SLC37A2: variants seen among roughly 807,000 people sequenced by gnomAD.
SLC37A2 encodes the protein solute carrier family 37 member 2.
SLC37A2 carries 59 observed loss-of-function variants against 70.7 expected under a neutral mutation model. The ratio of observed to expected loss-of-function variants is 0.83; its 90% CI spans 0.68 to 1.04. The LOEUF (loss-of-function observed/expected upper bound fraction) is 1.04, where lower values mean the gene tolerates loss of function less well. SLC37A2 is among the 50% of genes least tolerant of loss of function. SLC37A2 has a pLI of 0.00. For missense variants in SLC37A2, 580 were observed against 658.1 expected (o/e 0.88, Z 1.30); for synonymous variants, 257 against 262.1 (o/e 0.98, Z 0.19).
intron 7 of SLC37A2, 55 bp from the exon 8 acceptor site, chr11:125,081,366 G>C (rs2047377716): frequency 6.4e-7 from 1 of 1,559,316 alleles, no homozygotes; most frequent in Non-Finnish European, 8.7e-7. Context: ...CAATCACCTC[G>C]GGATTGGGGG....
chr11:125,071,122 A>AAGTTG (rs1220451879), intron 1 of SLC37A2, among the ~76,000 whole-genome samples: 1 of 152,056 alleles, frequency 6.6e-6, no homozygotes, highest in Non-Finnish European at 1.5e-5. Flanking sequence ...AACAGACACT[A>AAGTTG]AGTTGGTGTG....
chr11:125,076,111 G>A (rs535790793), intron 1 of SLC37A2, among the ~76,000 whole-genome samples: 1 of 152,158 alleles, frequency 6.6e-6, no homozygotes, highest in Non-Finnish European at 1.5e-5. Flanking sequence ...CAGGGCATGG[G>A]ATGAGACGTG....
At chr11:125,065,162 C>T (rs1328020162) in intron 1 of SLC37A2, among the ~76,000 whole-genome samples, 17 of 152,174 alleles carry the variant, frequency 1.1e-4, no homozygotes, top group Admixed American at 1.1e-3. Context: ...AATCTGATAA[C>T]CTGGCGGACT....
At chr11:125,067,033 G>A (rs949167927) in intron 1 of SLC37A2, among the ~76,000 whole-genome samples, 1 of 149,578 alleles carries the variant, frequency 6.7e-6, no homozygotes, top group African/African-American at 2.6e-5. Flanking sequence ...AGATTGTAGT[G>A]CAGTGGCACG....
Position 125,081,754 on chromosome 11 carries a change from G to GGTGA in SLC37A2, c.735_738dup (p.Pro247Ter). On this transcript the variant is annotated frameshift_variant and splice_region_variant, in exon 9 of 18. Coordinates refer to ENST00000403796, the MANE Select transcript of SLC37A2 (RefSeq NM_001145290.2). LOFTEE classifies it high-confidence loss of function. The stretch of plus-strand genomic sequence containing the variant: ...AGCAGGGCTCATCTCCTCTGCTCAG[G>GGTGA]GTGAGCCAGCTGAGAACCAGGACAA... 1 of 1,594,068 alleles carries GGTGA rather than the reference G, an allele frequency of 6.3e-7. No individual in the cohort carries two copies. Among genetic ancestry groups the GGTGA allele is most frequent in the Non-Finnish European group, 8.5e-7 (1 of 1,170,038 alleles).
At position 125,080,594 on chromosome 11, in the gene SLC37A2, C is replaced by T; in HGVS notation, c.528-20C>T. On this transcript the variant is annotated intron_variant, in intron 6 of 17. Coordinates refer to ENST00000403796, the MANE Select transcript of SLC37A2 (RefSeq NM_001145290.2). The surrounding 1 kb of genome is among the most constrained non-coding windows in gnomAD (Gnocchi z 4.3). ...GCTTTTTACTTTTTATACCTCTTCCCTTCTCTCCCTCCCTTCCAGGCGGGG... is the reference window on the plus strand; with the variant it reads ...GCTTTTTACTTTTTATACCTCTTCCTTTCTCTCCCTCCCTTCCAGGCGGGG... The T allele has an allele frequency of 6.8e-7, 1 of 1,463,446 alleles. No homozygotes were observed. The highest frequency in any genetic ancestry group is 2.6e-5 in the East Asian group (1 of 38,050). 90.7% of individuals were successfully genotyped at this position (1,463,446 alleles called of 1,614,324 possible).
At chr11:125,067,683 G>T (rs1948995278) in intron 1 of SLC37A2, among the ~76,000 whole-genome samples, 1 of 152,094 alleles carries the variant, frequency 6.6e-6, no homozygotes, top group African/African-American at 2.4e-5. Flanking sequence ...TCAAGATTTT[G>T]CCAACTTTGG....
At chr11:125,073,838 C>A (rs906264359) in intron 1 of SLC37A2, among the ~76,000 whole-genome samples, 10 of 152,230 alleles carry the variant, frequency 6.6e-5, no homozygotes, top group African/African-American at 2.4e-4. Context: ...GTGAGGAAGC[C>A]TGTCTGCGCT....
chr11:125,078,180 G>C (rs928697861), intron 4 of SLC37A2, among the ~76,000 whole-genome samples: 3 of 152,212 alleles, frequency 2.0e-5, no homozygotes, highest in Non-Finnish European at 4.4e-5. Flanking sequence ...GAGCAAGTAG[G>C]GCAAATGTGA....
chr11:125,070,245 A>G (rs3924406), intron 1 of SLC37A2, among the ~76,000 whole-genome samples: 41,667 of 152,058 alleles, frequency 0.27, 6,726 homozygotes, highest in African/African-American at 0.46. Context: ...GCTGAGCTAG[A>G]ATGGATGGTT....
chr11:125,088,409 G>T lies in SLC37A2; in HGVS notation c.*275G>T. ...TAGGGCTGAGTTGTGTCTCCATTTT[G>T]ATAAGGAAAGGATATGCTCAGACTC... is the stretch of plus-strand genomic sequence containing the variant. On this transcript the variant is annotated 3_prime_UTR_variant, in exon 18 of 18. Coordinates refer to ENST00000403796, the MANE Select transcript of SLC37A2 (RefSeq NM_001145290.2). The T allele has an allele frequency of 2.1e-6, 1 of 474,324 alleles. No homozygotes were observed. Among genetic ancestry groups the T allele is most frequent in the Non-Finnish European group, 3.8e-6 (1 of 265,164 alleles). The allele number at this position is 474,324 out of a possible 1,614,324, so 29.4% of individuals were successfully genotyped here.
At position 125,088,238 on chromosome 11, in the gene SLC37A2, CTT is replaced by C; in HGVS notation, c.*106_*107del. 7.4e-7 allele frequency: 1 copy of C among 1,348,320 alleles called. No individual in the cohort carries two copies. 83.5% of individuals were successfully genotyped at this position (1,348,320 alleles called of 1,614,324 possible). On this transcript the variant is annotated 3_prime_UTR_variant, in exon 18 of 18. Transcript: ENST00000403796. ...TCCACAAGCAGGGAAGGCAAACCCTCTTTATTGAACATTAGCCAGCCCAGCCC... is the reference window on the plus strand; with the variant it reads ...TCCACAAGCAGGGAAGGCAAACCCTCTATTGAACATTAGCCAGCCCAGCCC...
rs1949137937 is a variant in SLC37A2 at position 125,080,750 on chromosome 11, G to A, written c.664G>A (p.Gly222Ser). 6.5e-7 allele frequency: 1 copy of A among 1,528,308 alleles called. No individual in the cohort carries two copies. Among genetic ancestry groups the A allele is most frequent in the Admixed American group, 2.0e-5 (1 of 50,158 alleles). The allele number at this position is 1,528,308 out of a possible 1,614,324, so 94.7% of individuals were successfully genotyped here. A position where few individuals can be genotyped will look rare whatever the true frequency, so the allele number is the denominator to read the frequency against. Residue 222 changes from glycine to serine, a missense_variant, in exon 7 of 18, where the codon GGC becomes AGC. By Grantham distance (56) the Gly-to-Ser change is moderately conservative (BLOSUM62 0). Transcript: ENST00000403796. The surrounding 1 kb of genome is among the most constrained non-coding windows in gnomAD (Gnocchi z 4.3). ...GCCTGGCATCATTACTGCCGTCATG[G>A]GCGTCATCACCTTCCTCTTCCTCAT... ...IVPGIITAVM[G>S]VITFLFLIEH...
chr11:125,088,888 C>G lies in SLC37A2; in HGVS notation c.*754C>G, dbSNP rs1949252761. The G allele has an allele frequency of 6.6e-6, 1 of 152,254 alleles. No individual in the cohort carries two copies. The highest frequency in any genetic ancestry group is 1.5e-5 in the Non-Finnish European group (1 of 68,124). The allele number at this position is 152,254 out of a possible 1,614,324, so 9.4% of individuals were successfully genotyped here. A position where few individuals can be genotyped will look rare whatever the true frequency, so the allele number is the denominator to read the frequency against. On this transcript the variant is annotated 3_prime_UTR_variant, in exon 18 of 18. Transcript: ENST00000403796. Reference sequence around the variant, plus strand: ...AGAGTAGAAAGAGGGGTTGGCATGACTAAAAATACCAGTATGTGTATTAAG... The same window carrying G: ...AGAGTAGAAAGAGGGGTTGGCATGAGTAAAAATACCAGTATGTGTATTAAG...
intron 1 of SLC37A2, among the ~76,000 whole-genome samples, chr11:125,075,096 G>T (rs1236979892): frequency 6.6e-6 from 1 of 152,214 alleles, no homozygotes; most frequent in East Asian, 1.9e-4. Context: ...GGGATTCACG[G>T]GAGGTTACAC....
Position 125,088,780 on chromosome 11 carries a change from GC to G in SLC37A2, c.*649del. On this transcript the variant is annotated 3_prime_UTR_variant, in exon 18 of 18. Coordinates refer to ENST00000403796, the MANE Select transcript of SLC37A2 (RefSeq NM_001145290.2). The stretch of plus-strand genomic sequence containing the variant: ...GGCACTCCCTCTTGGGCACATGCCG[GC>G]CCTGAGTGCCTCCCTTGCCTCACTC... 6.6e-6 allele frequency: 1 copy of G among 152,478 alleles called. No homozygotes were observed. The highest frequency in any genetic ancestry group is 2.1e-4 in the South Asian group (1 of 4,832). 9.4% of individuals were successfully genotyped at this position (152,478 alleles called of 1,614,324 possible). A position where few individuals can be genotyped will look rare whatever the true frequency, so the allele number is the denominator to read the frequency against.
At position 125,088,292 on chromosome 11, in the gene SLC37A2, G is replaced by A; in HGVS notation, c.*158G>A. The A allele has an allele frequency of 3.9e-6, 3 of 763,462 alleles. No individual in the cohort carries two copies. The South Asian group carries it at 5.4e-5, about 14-fold the overall frequency. The allele number at this position is 763,462 out of a possible 1,614,324, so 47.3% of individuals were successfully genotyped here. On this transcript the variant is annotated 3_prime_UTR_variant, in exon 18 of 18. Coordinates refer to ENST00000403796, the MANE Select transcript of SLC37A2 (RefSeq NM_001145290.2). Reference sequence around the variant, plus strand: ...GACCCCAGGGCTGCCTAAGGACACAGAGATTCTCCATGGGAAGGGGACTGC... The same window carrying A: ...GACCCCAGGGCTGCCTAAGGACACAAAGATTCTCCATGGGAAGGGGACTGC...
Position 125,080,671 on chromosome 11 carries a change from C to T in SLC37A2, c.585C>T (p.Gly195=). The T allele has an allele frequency of 6.3e-7, 1 of 1,585,344 alleles. No individual in the cohort carries two copies. Among genetic ancestry groups the T allele is most frequent in the Non-Finnish European group, 8.6e-7 (1 of 1,165,240 alleles). The part of the protein sequence containing the change: ...NSHTSVGNIL[G]SLIAGIWVNG... The stretch of plus-strand genomic sequence containing the variant: ...ACACATCTGTGGGCAACATCCTGGG[C>T]TCCCTGATCGCCGGCATCTGGGTGA... Residue 195 remains glycine (G), a synonymous_variant, in exon 7 of 18, where the codon GGC becomes GGT. Transcript: ENST00000403796. The surrounding 1 kb of genome is among the most constrained non-coding windows in gnomAD (Gnocchi z 4.3).
At chr11:125,085,265 G>T (rs1949195587) in intron 14 of SLC37A2, 126 bp downstream of exon 14, 4 of 1,263,982 alleles carry the variant, frequency 3.2e-6, no homozygotes, top group Non-Finnish European at 4.5e-6. Flanking sequence ...CCTTCAGAAC[G>T]CACCATGGGC....
Sources: allele counts gnomAD v4.1 joint callset (sites outside exome capture counted in the v4.1 genomes callset), GRCh38; gene constraint gnomAD v4.1.1; non-coding constraint Gnocchi (gnomAD v3.1); transcripts MANE v1.5; gene names NCBI Gene and HGNC (gene_info 2026-07-23, HGNC 2026-07-21).